INO80E: variants seen among roughly 807,000 people sequenced by gnomAD.
INO80E encodes the protein coiled-coil domain containing 95.
In INO80E, 20 loss-of-function variants were observed where a neutral mutation model predicts 27.3. The ratio of observed to expected loss-of-function variants is 0.73; its 90% CI spans 0.51 to 1.06. INO80E has a LOEUF of 1.06. Among genes scored for constraint, INO80E ranks in the 50% least tolerant of loss-of-function variants. The probability of loss-of-function intolerance (pLI) is 0.00; values close to 1 mark genes in which losing one functional copy is unlikely to be tolerated. For synonymous variants in INO80E, 167 were observed against 145.9 expected, an observed-to-expected ratio of 1.14 and a Z score of -1.04; for missense variants, 357 against 322.8, an observed-to-expected ratio of 1.11 and a Z score of -0.81.
In INO80E at chr16:30,003,005, G is replaced by C. The variant is rs1293726080; in HGVS notation, c.513+1475G>C. ...GTGAGGCTTCACCTCTTGAGCCTGA[G>C]AAGCAGAGGTGACAGTACTGGCCCT... On this transcript the variant is annotated intron_variant, in intron 6 of 6. Coordinates refer to ENST00000563197, the MANE Select transcript of INO80E (RefSeq NM_173618.3). This position sits in a 1 kb window ranked among gnomAD's most constrained non-coding sequence, Gnocchi z 4.4. The C allele has an allele frequency of 6.6e-6, 1 of 151,070 alleles. No individual in the cohort carries two copies. Among genetic ancestry groups the C allele is most frequent in the African/African-American group, 2.5e-5 (1 of 40,408 alleles). The allele number at this position is 151,070 out of a possible 1,614,324, so 9.4% of individuals were successfully genotyped here.
chr16:30,002,175 G>A (rs1403272898), intron 6 of INO80E: 1 of 152,424 alleles, frequency 6.6e-6, no homozygotes, highest in Non-Finnish European at 1.5e-5. Context: ...CCAGCAGTCT[G>A]GGATGTTCTT....
chr16:30,000,076 T>C (rs2070289769), intron 3 of INO80E, among the ~76,000 whole-genome samples: 1 of 152,176 alleles, frequency 6.6e-6, no homozygotes, highest in Non-Finnish European at 1.5e-5. Context: ...CAGACCTGGC[T>C]TGGAGTCTTA....
rs1455224529 is a variant in INO80E, at chr16:30,005,674, G to A, written c.*232G>A. 86 of 559,474 alleles carry A rather than the reference G, an allele frequency of 1.5e-4. No individual in the cohort carries two copies. In the East Asian group the frequency reaches 2.7e-3, roughly 17 times the overall value. The allele number at this position is 559,474 out of a possible 1,614,324, so 34.7% of individuals were successfully genotyped here. On this transcript the variant is annotated 3_prime_UTR_variant, in exon 7 of 7. Transcript: ENST00000563197. The stretch of plus-strand genomic sequence containing the variant: ...GACAGTTATTTAAACGAGTGGCCGG[G>A]AGCATCTGCCACCTGCTGGGGAGGC...
At position 30,005,578 on chromosome 16, in the gene INO80E, C is replaced by A. The variant is rs560196995; in HGVS notation, c.*136C>A. On this transcript the variant is annotated 3_prime_UTR_variant, in exon 7 of 7. Transcript: ENST00000563197. ...CGGCCACTGACACAACCAGAAAAGG[C>A]GTAAACATGCACGGGTGTCCCCCAG... is the stretch of plus-strand genomic sequence containing the variant. 43 of 851,168 alleles carry A rather than the reference C, an allele frequency of 5.1e-5. No homozygotes were observed. Among genetic ancestry groups the A allele is most frequent in the African/African-American group, 1.0e-4 (6 of 57,188 alleles). 52.7% of individuals were successfully genotyped at this position (851,168 alleles called of 1,614,324 possible). A position where few individuals can be genotyped will look rare whatever the true frequency, so the allele number is the denominator to read the frequency against.
At chr16:29,997,278 A>G (rs1377416354) in intron 3 of INO80E, among the ~76,000 whole-genome samples, 3 of 152,218 alleles carry the variant, frequency 2.0e-5, no homozygotes, top group Non-Finnish European at 4.4e-5. Flanking sequence ...GCTTTTTGCA[A>G]CATACAATCT....
chr16:30,005,675 A>T lies in INO80E; in HGVS notation c.*233A>T. On this transcript the variant is annotated 3_prime_UTR_variant, in exon 7 of 7. Transcript: ENST00000563197. ...ACAGTTATTTAAACGAGTGGCCGGG[A>T]GCATCTGCCACCTGCTGGGGAGGCA... The T allele has an allele frequency of 1.8e-6, 1 of 556,736 alleles. No individual in the cohort carries two copies. Among genetic ancestry groups the T allele is most frequent in the Non-Finnish European group, 3.1e-6 (1 of 319,612 alleles). The allele number at this position is 556,736 out of a possible 1,614,324, so 34.5% of individuals were successfully genotyped here. A position where few individuals can be genotyped will look rare whatever the true frequency, so the allele number is the denominator to read the frequency against.
intron 2 of INO80E, 59 bp downstream of exon 2, chr16:29,996,676 C>A (rs1596660118): frequency 1.3e-6 from 2 of 1,585,802 alleles, no homozygotes; most frequent in Non-Finnish European, 8.6e-7. Flanking sequence ...ACATTCGGAC[C>A]CCATCCCCGA....
intron 3 of INO80E, among the ~76,000 whole-genome samples, chr16:29,998,733 T>G (rs1325095727): frequency 6.6e-6 from 1 of 152,090 alleles, no homozygotes; most frequent in Non-Finnish European, 1.5e-5. Context: ...TAGAATCACC[T>G]CTCTCCGTGG....
At position 29,996,920 on chromosome 16, in the gene INO80E, T is replaced by A. The variant is rs573001840; in HGVS notation, c.205+60T>A. Reference sequence around the variant, plus strand: ...GGTTCCTGGTACTTAGCAAGCTTCCTGGGCCCCCGCCTTTTAGGCAGTGGT... The same window carrying A: ...GGTTCCTGGTACTTAGCAAGCTTCCAGGGCCCCCGCCTTTTAGGCAGTGGT... On this transcript the variant is annotated intron_variant, in intron 3 of 6. Coordinates refer to ENST00000563197, the MANE Select transcript of INO80E (RefSeq NM_173618.3). 10 of 1,542,174 alleles carry A rather than the reference T, an allele frequency of 6.5e-6. No individual in the cohort carries two copies. The African/African-American group carries it at 6.8e-5, about 10-fold the overall frequency.
rs1158093735 is a variant in INO80E, at chr16:30,005,671, C to T, written c.*229C>T. ...GGGGACAGTTATTTAAACGAGTGGC[C>T]GGGAGCATCTGCCACCTGCTGGGGA... On this transcript the variant is annotated 3_prime_UTR_variant, in exon 7 of 7. Coordinates refer to ENST00000563197, the MANE Select transcript of INO80E (RefSeq NM_173618.3). 2.0e-5 allele frequency: 11 copies of T among 558,340 alleles called. 1 individual carries two copies. Among genetic ancestry groups the T allele is most frequent in the South Asian group, 7.1e-5 (3 of 42,250 alleles). The allele number at this position is 558,340 out of a possible 1,614,324, so 34.6% of individuals were successfully genotyped here. A position where few individuals can be genotyped will look rare whatever the true frequency, so the allele number is the denominator to read the frequency against.
chr16:30,005,337 C>A lies in INO80E; in HGVS notation c.630C>A (p.Pro210=), dbSNP rs779236990. 1.4e-6 allele frequency: 2 copies of A among 1,460,474 alleles called. No individual in the cohort carries two copies. The highest frequency in any genetic ancestry group is 1.8e-6 in the Non-Finnish European group (2 of 1,105,406). The allele number at this position is 1,460,474 out of a possible 1,614,324, so 90.5% of individuals were successfully genotyped here. Residue 210 remains proline, a synonymous_variant, in exon 7 of 7, where the codon CCC becomes CCA. Transcript: ENST00000563197. ...CCCTCCCACCCCCTAAGATGCCCCC[C>A]CCCACGATCCTGAGCACGGTCCCTC... ...LTPLPPPKMP[P]PTILSTVPRQ...
Position 30,005,342 on chromosome 16 carries a change from C to G in INO80E, c.635C>G (p.Thr212Arg). 1 of 1,503,348 alleles carries G rather than the reference C, an allele frequency of 6.7e-7. No homozygotes were observed. Among genetic ancestry groups the G allele is most frequent in the Non-Finnish European group, 8.8e-7 (1 of 1,132,868 alleles). 93.1% of individuals were successfully genotyped at this position (1,503,348 alleles called of 1,614,324 possible). ...PLPPPKMPPP[T>R]ILSTVPRQMF... ...CCACCCCCTAAGATGCCCCCCCCCA[C>G]GATCCTGAGCACGGTCCCTCGGCAG... Residue 212 changes from threonine (T) to arginine (R), a missense_variant, in exon 7 of 7, where the codon ACG (threonine) becomes AGG (arginine). By Grantham distance (71) the Thr-to-Arg change is moderately conservative (BLOSUM62 -1). Transcript: ENST00000563197.
At chr16:29,996,434 G>A (rs1353291513) in intron 1 of INO80E, 43 bp downstream of exon 1, 2 of 1,559,072 alleles carry the variant, frequency 1.3e-6, no homozygotes, top group African/African-American at 1.4e-5. Context: ...GAGGCCTGGC[G>A]CGGACAAGAT....
intron 6 of INO80E, chr16:30,002,616 G>A (rs573405106): frequency 2.6e-5 from 4 of 152,422 alleles, no homozygotes; most frequent in Admixed American, 2.0e-4. Flanking sequence ...AGGCCAGGAT[G>A]CCTCCAGGGC....
chr16:29,997,006 TTTCA>T (rs2070148680), intron 3 of INO80E, 146 bp downstream of exon 3: 2 of 749,154 alleles, frequency 2.7e-6, no homozygotes, highest in Non-Finnish European at 4.6e-6. Flanking sequence ...TCCACCGTTC[TTTCA>T]TTCAGGCACT....
intron 6 of INO80E, chr16:30,001,969 G>C (rs1053631699): frequency 1.9e-5 from 3 of 161,072 alleles, no homozygotes; most frequent in African/African-American, 7.2e-5. Context: ...GGTCCTACTC[G>C]ATGTGACCAG....
At chr16:29,997,133 A>G (rs1288100528) in intron 3 of INO80E, among the ~76,000 whole-genome samples, 1 of 152,258 alleles carries the variant, frequency 6.6e-6, no homozygotes, top group African/African-American at 2.4e-5. Context: ...TGGGAAGAAT[A>G]AGTAAATGAA....
chr16:30,001,390 C>T, intron 5 of INO80E, 24 bp from the exon 6 acceptor site: 3 of 1,565,954 alleles, frequency 1.9e-6, no homozygotes, highest in Non-Finnish European at 2.6e-6. Flanking sequence ...CGCCTCCCAT[C>T]TCCATCCCCG....
chr16:30,001,286 G>C (rs774484869), intron 5 of INO80E, 128 bp from the exon 6 acceptor site: 20 of 1,490,024 alleles, frequency 1.3e-5, no homozygotes, highest in Middle Eastern at 1.8e-4. Flanking sequence ...TTCTGTGCTC[G>C]GGAGCCCCGG....
Sources: gnomAD v4.1 joint callset for allele counts (sites outside exome capture counted in the v4.1 genomes callset) on GRCh38, gnomAD v4.1.1 for gene constraint, Gnocchi (gnomAD v3.1) non-coding constraint, MANE v1.5 for transcripts, NCBI Gene and HGNC (gene_info 2026-07-23, HGNC 2026-07-21) for gene names.